Variants in OPCML observed in about 807,000 individuals in gnomAD.
OPCML encodes the protein opioid binding protein/cell adhesion molecule like, also known as opioid-binding protein/cell adhesion molecule.
Under a neutral mutation model 37.8 loss-of-function variants are expected in OPCML, and 13 were observed. The observed-to-expected ratio is 0.34, with a 90% CI of 0.22 to 0.55. The LOEUF (loss-of-function observed/expected upper bound fraction) is 0.55. OPCML is among the 20% of genes least tolerant of loss of function. The probability of loss-of-function intolerance (pLI) is 0.91; values close to 1 mark genes in which losing one functional copy is unlikely to be tolerated. For synonymous variants in OPCML, 176 were observed against 168.8 expected (o/e 1.04, Z -0.33); for missense variants, 341 against 435.6 (o/e 0.78, Z 1.93).
chr11:133,187,593 T>C (rs1316008273), intron 1 of OPCML, among the ~76,000 whole-genome samples: 3 of 152,104 alleles, frequency 2.0e-5, no homozygotes, highest in African/African-American at 7.2e-5. Flanking sequence ...GACAGGAGTA[T>C]AAGGCATATG....
intron 2 of OPCML, among the ~76,000 whole-genome samples, chr11:132,816,260 C>A (rs1939630831): frequency 1.3e-5 from 2 of 152,038 alleles, no homozygotes; most frequent in Admixed American, 6.6e-5. Flanking sequence ...AACAGCTTGG[C>A]AAACTGTTTT....
intron 1 of OPCML, chr11:133,026,463 C>T (rs1591924771): frequency 1.0e-6 from 1 of 985,290 alleles, no homozygotes; most frequent in Non-Finnish European, 1.2e-6. Context: ...TGTTTTGCAA[C>T]CTCATCCTGA....
intron 4 of OPCML, among the ~76,000 whole-genome samples, chr11:132,509,825 A>C (rs2137172389): frequency 6.6e-6 from 1 of 152,318 alleles, no homozygotes; most frequent in East Asian, 1.9e-4. Context: ...GCAGTGCAGA[A>C]GGGATATGTG....
intron 2 of OPCML, among the ~76,000 whole-genome samples, chr11:132,726,402 G>A (rs1185959910): frequency 6.6e-6 from 1 of 152,024 alleles, no homozygotes; most frequent in African/African-American, 2.4e-5. Context: ...GAACAGCATG[G>A]GAAAGACCTG....
chr11:132,766,893 C>T (rs949693142), intron 2 of OPCML, among the ~76,000 whole-genome samples: 10 of 152,198 alleles, frequency 6.6e-5, no homozygotes, highest in Admixed American at 1.3e-4. Context: ...AATATCCTTT[C>T]GTAATTGTAA....
chr11:133,493,459 T>A (rs1947711005), intron 1 of OPCML, among the ~76,000 whole-genome samples: 1 of 152,238 alleles, frequency 6.6e-6, no homozygotes. Flanking sequence ...ATGCATACTT[T>A]TTTTTACAGA....
At chr11:132,421,007 C>G (rs926292944) in intron 7 of OPCML, among the ~76,000 whole-genome samples, 5 of 152,118 alleles carry the variant, frequency 3.3e-5, no homozygotes, top group Middle Eastern at 3.4e-3. Flanking sequence ...CTCTCTCTGG[C>G]CCCTTCCTGT....
At chr11:133,180,204 A>T (rs1937756723) in intron 1 of OPCML, among the ~76,000 whole-genome samples, 1 of 152,116 alleles carries the variant, frequency 6.6e-6, no homozygotes, top group African/African-American at 2.4e-5. Context: ...TGAACTAGGG[A>T]GCTGGGGCCA....
At chr11:132,661,472 T>C (rs1941974104) in intron 2 of OPCML, among the ~76,000 whole-genome samples, 1 of 152,138 alleles carries the variant, frequency 6.6e-6, no homozygotes, top group Non-Finnish European at 1.5e-5. Flanking sequence ...GAAAGAGAAC[T>C]CAGGGAAGGA....
intron 1 of OPCML, among the ~76,000 whole-genome samples, chr11:133,528,143 T>G (rs1367635559): frequency 6.6e-6 from 1 of 152,254 alleles, no homozygotes; most frequent in African/African-American, 2.4e-5. Flanking sequence ...CGTCGGGATC[T>G]CTGATTAATC....
intron 1 of OPCML, among the ~76,000 whole-genome samples, chr11:133,038,479 C>T (rs1947825246): frequency 6.6e-6 from 1 of 152,156 alleles, no homozygotes; most frequent in Admixed American, 6.5e-5. Context: ...TATTGATTGA[C>T]AATTATAAAA....
At chr11:132,732,518 T>G (rs996249980) in intron 2 of OPCML, among the ~76,000 whole-genome samples, 8 of 152,154 alleles carry the variant, frequency 5.3e-5, no homozygotes, top group African/African-American at 1.9e-4. Context: ...TCACTGGAGA[T>G]GTGGCTATAA....
At chr11:132,822,515 T>C (rs1272925234) in intron 2 of OPCML, among the ~76,000 whole-genome samples, 1 of 152,044 alleles carries the variant, frequency 6.6e-6, no homozygotes, top group Non-Finnish European at 1.5e-5. Flanking sequence ...TGTGTGTGTG[T>C]GTGTGTGTGC....
chr11:132,432,259 G>A (rs2095999588), intron 7 of OPCML, among the ~76,000 whole-genome samples: 1 of 152,304 alleles, frequency 6.6e-6, no homozygotes, highest in Non-Finnish European at 1.5e-5. Context: ...ACTTAGTCTA[G>A]TACCCTGTAC....
intron 1 of OPCML, among the ~76,000 whole-genome samples, chr11:133,033,632 T>C (rs1232449703): frequency 6.6e-6 from 1 of 152,254 alleles, no homozygotes; most frequent in Non-Finnish European, 1.5e-5. Flanking sequence ...TTGAAGCTGG[T>C]GTGCTCAGCA....
chr11:132,516,694 A>G (rs1363509634), intron 4 of OPCML, among the ~76,000 whole-genome samples: 3 of 105,456 alleles, frequency 2.8e-5, no homozygotes, highest in African/African-American at 1.1e-4. Flanking sequence ...CAGAGTAATG[A>G]GAGGTTGATC....
rs555667379 is a variant in OPCML at position 132,812,675 on chromosome 11, A to C, written c.146+130251T>G. On this transcript the variant is annotated intron_variant, in intron 2 of 7. Transcript: ENST00000524381. ...CAGCAAATATTCTACTTCCAGCTACATTTAATTGCCTGCTCTTTGGAACTA... is the reference window on the plus strand; with the variant it reads ...CAGCAAATATTCTACTTCCAGCTACCTTTAATTGCCTGCTCTTTGGAACTA... Among the ~76,000 whole-genome samples, 7 of 152,338 alleles carry C rather than the reference A, an allele frequency of 4.6e-5. No individual in the cohort carries two copies. The South Asian group carries it at 8.3e-4, about 18-fold the overall frequency.
At chr11:133,062,353 T>C (rs919527964) in intron 1 of OPCML, among the ~76,000 whole-genome samples, 2 of 152,238 alleles carry the variant, frequency 1.3e-5, no homozygotes, top group Admixed American at 1.3e-4. Flanking sequence ...TTTTACCACC[T>C]GCATGTAGGC....
intron 1 of OPCML, chr11:133,024,668 A>G (rs975451572): frequency 1.2e-6 from 1 of 855,400 alleles, no homozygotes; most frequent in African/African-American, 1.8e-5. Context: ...AGTGGTGAAG[A>G]TGTTTGGTCT....
Sources: gnomAD v4.1 joint callset for allele counts (sites outside exome capture counted in the v4.1 genomes callset) on GRCh38, gnomAD v4.1.1 for gene constraint, MANE v1.5 for transcripts, NCBI Gene and HGNC (gene_info 2026-07-23, HGNC 2026-07-21) for gene names.